The following PLEKHG4B variants were observed in gnomAD, a reference collection of about 807,000 sequenced individuals.
PLEKHG4B encodes the protein pleckstrin homology domain-containing family G member 4B.
In PLEKHG4B, 111 loss-of-function variants were observed where a neutral mutation model predicts 121.3. That is an observed-to-expected ratio of 0.92 (90% confidence interval 0.78 to 1.07). The LOEUF (loss-of-function observed/expected upper bound fraction) is 1.07. PLEKHG4B is among the 50% of genes least tolerant of loss of function. The pLI is 0.00. For missense variants in PLEKHG4B, 1,831 were observed against 1,757.8 expected, an observed-to-expected ratio of 1.04 and a Z score of -0.74; for synonymous variants, 738 against 725.0, an observed-to-expected ratio of 1.02 and a Z score of -0.29.
At chr5:95,782 A>G (rs907356252) in intron 1 of PLEKHG4B, among the ~76,000 whole-genome samples, 1 of 152,050 alleles carries the variant, frequency 6.6e-6, no homozygotes, top group Non-Finnish European at 1.5e-5. Flanking sequence ...GGAGGGGACT[A>G]CCAACCCTTC....
intron 2 of PLEKHG4B, among the ~76,000 whole-genome samples, chr5:134,190 T>C (rs1734877227): frequency 1.4e-5 from 2 of 143,896 alleles, no homozygotes; most frequent in Non-Finnish European, 1.5e-5. Context: ...TGGATGGAAG[T>C]AGAGACCATT....
At chr5:101,206 G>A (rs1469606693) in intron 1 of PLEKHG4B, among the ~76,000 whole-genome samples, 1 of 126,378 alleles carries the variant, frequency 7.9e-6, no homozygotes, top group East Asian at 2.0e-4. Context: ...GTAGGGGAGA[G>A]ACTGTTGTGA....
chr5:137,027 GATGA>G lies in PLEKHG4B; in HGVS notation c.244-2452_244-2449del, dbSNP rs1735004514. Among the ~76,000 whole-genome samples, 1 of 152,184 alleles carries G rather than the reference GATGA, an allele frequency of 6.6e-6. No individual in the cohort carries two copies. Among genetic ancestry groups the G allele is most frequent in the Admixed American group, 6.5e-5 (1 of 15,278 alleles). On this transcript the variant is annotated intron_variant, in intron 2 of 19. Coordinates refer to ENST00000637938, the MANE Select transcript of PLEKHG4B (RefSeq NM_052909.5). The surrounding 1 kb of genome is among the most constrained non-coding windows in gnomAD (Gnocchi z 4.2). Reference sequence around the variant, plus strand: ...GGAATATTATGCAACCCTGTGGATGGATGAATGGATAGCAAAATATAGTATGTAC... The same window carrying G: ...GGAATATTATGCAACCCTGTGGATGGATGGATAGCAAAATATAGTATGTAC...
intron 1 of PLEKHG4B, among the ~76,000 whole-genome samples, chr5:104,919 GGA>G (rs573378196): frequency 1.3e-4 from 20 of 152,380 alleles, no homozygotes; most frequent in African/African-American, 4.8e-4. Flanking sequence ...CCTCCATGGT[GGA>G]GAAACACTGC....
chr5:99,205 TA>T (rs1733728009), intron 1 of PLEKHG4B, among the ~76,000 whole-genome samples: 8 of 135,390 alleles, frequency 5.9e-5, no homozygotes, highest in Non-Finnish European at 1.1e-4. Flanking sequence ...TATATATATA[TA>T]TATATATTTT....
intron 13 of PLEKHG4B, among the ~76,000 whole-genome samples, chr5:168,507 T>C (rs1197092862): frequency 6.6e-6 from 1 of 152,060 alleles, no homozygotes; most frequent in Non-Finnish European, 1.5e-5. Flanking sequence ...CCAAAAGCCG[T>C]TTTCTCACGA....
intron 1 of PLEKHG4B, among the ~76,000 whole-genome samples, chr5:98,462 G>A (rs1733692688): frequency 9.2e-6 from 1 of 108,778 alleles, no homozygotes; most frequent in Non-Finnish European, 1.7e-5. Context: ...TTGAGATGGA[G>A]TCTCACTCTG....
rs866922737 is a variant in PLEKHG4B at position 165,135 on chromosome 5, G to C, written c.3476+1587G>C. ...GGGGCGGAGCTCACACAGTAATGCT[G>C]TGACGGGGCGGAGCTCACACTAATG... On this transcript the variant is annotated intron_variant, in intron 13 of 19. Transcript: ENST00000637938. Among the ~76,000 whole-genome samples the C allele has an allele frequency of 1.4e-3, 103 of 74,676 alleles. 1 individual carries two copies. The highest frequency in any genetic ancestry group is 2.7e-3 in the African/African-American group (62 of 22,878). The allele number at this position is 74,676 out of a possible 152,430, so 49.0% of individuals were successfully genotyped here. A position where few individuals can be genotyped will look rare whatever the true frequency, so the allele number is the denominator to read the frequency against.
In PLEKHG4B at chr5:161,811, C is replaced by T. The variant is rs572871479; in HGVS notation, c.2516C>T (p.Ala839Val). 153 of 1,613,756 alleles carry T rather than the reference C, an allele frequency of 9.5e-5. No homozygotes were observed. Among genetic ancestry groups the T allele is most frequent in the South Asian group, 6.3e-4 (57 of 91,080 alleles). Reference protein sequence around the residue: ...QQSCQKGLQLAKENPQRTEEM... With the variant: ...QQSCQKGLQLVKENPQRTEEM... Reference sequence around the variant, plus strand: ...TCCTGCCAGAAAGGACTACAGCTGGCGAAGGAGAACCCGCAACGTACAGAG... The same window carrying T: ...TCCTGCCAGAAAGGACTACAGCTGGTGAAGGAGAACCCGCAACGTACAGAG... Residue 839 changes from alanine to valine, a missense_variant, in exon 12 of 20, where the codon GCG (alanine) becomes GTG (valine). Coordinates refer to ENST00000637938, the MANE Select transcript of PLEKHG4B (RefSeq NM_052909.5).
rs1437237483 is a variant in PLEKHG4B, at chr5:156,152, G to A, written c.2290G>A (p.Glu764Lys). ...CCCACTGCTTGTGTCTCTCAGGCTG[G>A]AGGGGGGCACCGTCCTGGCGCGGCT... is the stretch of plus-strand genomic sequence containing the variant. ...EDPLLVSLRL[E>K]GGTVLARLRR... The change falls in exon 10 of 20, where the codon GAG (glutamate) becomes AAG (lysine). Residue 764 changes from glutamate to lysine, a missense_variant. By Grantham distance (56) the Glu-to-Lys change is moderately conservative (BLOSUM62 1). Coordinates refer to ENST00000637938, the MANE Select transcript of PLEKHG4B (RefSeq NM_052909.5). The surrounding 1 kb of genome is among the most constrained non-coding windows in gnomAD (Gnocchi z 4.4). The A allele has an allele frequency of 1.3e-6, 2 of 1,594,794 alleles. No individual in the cohort carries two copies. Among genetic ancestry groups the A allele is most frequent in the Non-Finnish European group, 1.7e-6 (2 of 1,170,996 alleles).
intron 13 of PLEKHG4B, among the ~76,000 whole-genome samples, chr5:167,458 A>G (rs1184427374): frequency 5.5e-5 from 8 of 145,874 alleles, no homozygotes; most frequent in South Asian, 2.2e-4. Context: ...AAATCTGCCA[A>G]CTCCCATTGG....
chr5:184,008 G>GATAGATAGAT lies in PLEKHG4B; in HGVS notation c.*1687_*1696dup, dbSNP rs1733531954. On this transcript the variant is annotated 3_prime_UTR_variant, in exon 20 of 20. Coordinates refer to ENST00000637938, the MANE Select transcript of PLEKHG4B (RefSeq NM_052909.5). The stretch of plus-strand genomic sequence containing the variant: ...AGATAGATCGATAGATAGATAGATA[G>GATAGATAGAT]ATAGATAGATAGATAGATAGACTGA... The GATAGATAGAT allele has an allele frequency of 6.6e-6, 1 of 151,584 alleles. No individual in the cohort carries two copies. The highest frequency in any genetic ancestry group is 2.4e-5 in the African/African-American group (1 of 40,936). The allele number at this position is 151,584 out of a possible 1,614,324, so 9.4% of individuals were successfully genotyped here. A position where few individuals can be genotyped will look rare whatever the true frequency, so the allele number is the denominator to read the frequency against.
intron 6 of PLEKHG4B, among the ~76,000 whole-genome samples, chr5:150,553 A>G (rs1735573852): frequency 6.6e-6 from 1 of 152,218 alleles, no homozygotes; most frequent in South Asian, 2.1e-4. Context: ...AAGGGCTTGT[A>G]TATAGAATAT....
At position 113,251 on chromosome 5, in the gene PLEKHG4B, G is replaced by A. The variant is rs1434634345; in HGVS notation, c.46G>A (p.Asp16Asn). The change falls in exon 2 of 20, where the codon GAT becomes AAT. Residue 16 changes from aspartate to asparagine, a missense_variant and splice_region_variant. Coordinates refer to ENST00000637938, the MANE Select transcript of PLEKHG4B (RefSeq NM_052909.5). This position sits in a 1 kb window ranked among gnomAD's most constrained non-coding sequence, Gnocchi z 5.2. ...ADGGGGPGARDLESLDACIQR... is the reference protein window; with the variant it reads ...ADGGGGPGARNLESLDACIQR... ...TTCTGAATTCTCTCTTTCATTTCAGGATCTGGAATCTCTTGATGCCTGTAT... is the reference window on the plus strand; with the variant it reads ...TTCTGAATTCTCTCTTTCATTTCAGAATCTGGAATCTCTTGATGCCTGTAT... The A allele has an allele frequency of 1.3e-5, 5 of 398,982 alleles. No homozygotes were observed. The highest frequency in any genetic ancestry group is 2.1e-5 in the African/African-American group (1 of 48,616). The allele number at this position is 398,982 out of a possible 1,614,324, so 24.7% of individuals were successfully genotyped here.
chr5:165,377 G>C (rs2174833), intron 13 of PLEKHG4B, among the ~76,000 whole-genome samples: 3 of 25,014 alleles, frequency 1.2e-4, no homozygotes, highest in African/African-American at 4.9e-4. Context: ...GGGGCTCACA[G>C]TAATCCTCTG....
In PLEKHG4B at chr5:139,831, CCTGT is replaced by C. The variant is rs1308017177; in HGVS notation, c.595_598del (p.Val199LeufsTer50). On this transcript the variant is annotated frameshift_variant, in exon 3 of 20. Transcript: ENST00000637938. LOFTEE classifies it high-confidence loss of function. The surrounding 1 kb of genome is among the most constrained non-coding windows in gnomAD (Gnocchi z 5.0). ...AGCCCCGTGGAGCGACGTCACTGAC[CCTGT>C]CTTTGTCCCCAGCCCTGGAGCCATC... 2.5e-6 allele frequency: 1 copy of C among 398,950 alleles called. No homozygotes were observed. Among genetic ancestry groups the C allele is most frequent in the African/African-American group, 2.1e-5 (1 of 48,562 alleles). The allele number at this position is 398,950 out of a possible 1,614,324, so 24.7% of individuals were successfully genotyped here. A position where few individuals can be genotyped will look rare whatever the true frequency, so the allele number is the denominator to read the frequency against.
chr5:96,076 G>C (rs1215015285), intron 1 of PLEKHG4B, among the ~76,000 whole-genome samples: 2 of 152,226 alleles, frequency 1.3e-5, no homozygotes, highest in African/African-American at 2.4e-5. Context: ...TGGTATAATA[G>C]ACTGAGACAA....
chr5:102,926 T>C lies in PLEKHG4B; in HGVS notation c.46-10325T>C, dbSNP rs547912460. Among the ~76,000 whole-genome samples the C allele has an allele frequency of 2.1e-3, 319 of 152,324 alleles. 4 individuals are homozygous for C. The highest frequency in any genetic ancestry group is 0.014 in the Middle Eastern group (4 of 294). On this transcript the variant is annotated intron_variant, in intron 1 of 19. Coordinates refer to ENST00000637938, the MANE Select transcript of PLEKHG4B (RefSeq NM_052909.5). ...GCTGGCTGTGTCTGACCCTCGGGTC[T>C]TGGAGCCGGTGGTTATGGTAAGCAA...
chr5:144,584 C>G (rs1735340496), intron 5 of PLEKHG4B, among the ~76,000 whole-genome samples: 1 of 152,166 alleles, frequency 6.6e-6, no homozygotes, highest in East Asian at 1.9e-4. Context: ...GAAAGTAGCC[C>G]CAGCCCCATG....
Sources: gnomAD v4.1 joint callset for allele counts (sites outside exome capture counted in the v4.1 genomes callset) on GRCh38, gnomAD v4.1.1 for gene constraint, Gnocchi (gnomAD v3.1) non-coding constraint, MANE v1.5 for transcripts, NCBI Gene and HGNC (gene_info 2026-07-23, HGNC 2026-07-21) for gene names.